The following CDH13 variants were observed in gnomAD, a reference collection of about 807,000 sequenced individuals.
The protein encoded by CDH13 is cadherin 13.
Under a neutral mutation model 63.8 loss-of-function variants are expected in CDH13, and 24 were observed. That is an observed-to-expected ratio of 0.38 (90% CI 0.27 to 0.53). The LOEUF is 0.53. Among genes scored for constraint, CDH13 ranks in the 20% least tolerant of loss-of-function variants. The pLI is 0.85. For missense variants in CDH13, 1,049 were observed against 903.1 expected, an observed-to-expected ratio of 1.16 and a Z score of -2.07; for synonymous variants, 503 against 355.3, an observed-to-expected ratio of 1.42 and a Z score of -4.67.
chr16:83,476,269 T>C (rs538852115), intron 6 of CDH13, among the ~76,000 whole-genome samples: 4 of 152,260 alleles, frequency 2.6e-5, no homozygotes, highest in African/African-American at 9.6e-5. Flanking sequence ...CCTGCCCCAG[T>C]TGTAACAACC....
intron 6 of CDH13, among the ~76,000 whole-genome samples, chr16:83,422,822 A>T (rs184249847): frequency 1.2e-4 from 19 of 152,276 alleles, no homozygotes; most frequent in Admixed American, 5.2e-4. Context: ...ATTACATAAG[A>T]TGCTTAGAAA....
At chr16:83,472,627 C>G (rs185811627) in intron 6 of CDH13, among the ~76,000 whole-genome samples, 88 of 152,270 alleles carry the variant, frequency 5.8e-4, no homozygotes, top group African/African-American at 2.0e-3. Context: ...CCTTTGGTCT[C>G]TCTTCTGCCA....
At chr16:83,001,542 T>G (rs1174724646) in intron 2 of CDH13, among the ~76,000 whole-genome samples, 1 of 152,236 alleles carries the variant, frequency 6.6e-6, no homozygotes. Context: ...GCCACTTTCA[T>G]TTTAATTTAA....
intron 6 of CDH13, among the ~76,000 whole-genome samples, chr16:83,388,690 G>T (rs2091726833): frequency 6.6e-6 from 1 of 152,132 alleles, no homozygotes; most frequent in South Asian, 2.1e-4. Flanking sequence ...CCATTGTAAA[G>T]CCATATATTT....
intron 1 of CDH13, chr16:82,824,446 T>A (rs1369602574): frequency 1.3e-5 from 2 of 152,206 alleles, no homozygotes; most frequent in African/African-American, 4.8e-5. Context: ...ATAATGAATT[T>A]GCAGTTCTTA....
rs1216790632 is a variant in CDH13, at chr16:83,066,393, AG to A, written c.366+34177del. Among the ~76,000 whole-genome samples, 17 of 152,190 alleles carry A rather than the reference AG, an allele frequency of 1.1e-4. 1 individual carries two copies. Among genetic ancestry groups the A allele is most frequent in the Admixed American group, 2.0e-4 (3 of 15,284 alleles). The stretch of plus-strand genomic sequence containing the variant: ...ATGTGAGACTTTCAGTGCTAATCCC[AG>A]GAAAAGTCCTAAACAAAAGGCAACG... On this transcript the variant is annotated intron_variant, in intron 3 of 13. Coordinates refer to ENST00000567109, the MANE Select transcript of CDH13 (RefSeq NM_001257.5).
intron 1 of CDH13, among the ~76,000 whole-genome samples, chr16:82,650,645 C>T (rs770257639): frequency 2.6e-5 from 4 of 152,174 alleles, no homozygotes; most frequent in Non-Finnish European, 5.9e-5. Flanking sequence ...TCTCCTCCCA[C>T]ATCCCCCTAC....
At chr16:83,425,715 G>C (rs1454807304) in intron 6 of CDH13, among the ~76,000 whole-genome samples, 1 of 152,098 alleles carries the variant, frequency 6.6e-6, no homozygotes, top group East Asian at 1.9e-4. Flanking sequence ...CTAATCTGCA[G>C]TGTTCAAATA....
chr16:83,434,755 C>A (rs936328845), intron 6 of CDH13, among the ~76,000 whole-genome samples: 4 of 151,288 alleles, frequency 2.6e-5, no homozygotes, highest in South Asian at 2.1e-4. Flanking sequence ...CCTCTGCTGT[C>A]GCCCTAACCA....
rs1298765636 is a variant in CDH13, at chr16:83,799,104, G to C, written c.*4074G>C. The C allele has an allele frequency of 6.6e-6, 1 of 151,830 alleles. No individual in the cohort carries two copies. Among genetic ancestry groups the C allele is most frequent in the Non-Finnish European group, 1.5e-5 (1 of 67,990 alleles). 9.4% of individuals were successfully genotyped at this position (151,830 alleles called of 1,614,324 possible). A position where few individuals can be genotyped will look rare whatever the true frequency, so the allele number is the denominator to read the frequency against. On this transcript the variant is annotated 3_prime_UTR_variant, in exon 14 of 14. Transcript: ENST00000567109. Reference sequence around the variant, plus strand: ...AGGCGGGTGGATCACTTAAGGTCAGGAGTTCAAGACCAGCCTGGCCAGCAT... The same window carrying C: ...AGGCGGGTGGATCACTTAAGGTCAGCAGTTCAAGACCAGCCTGGCCAGCAT...
chr16:82,652,541 T>C (rs1910842193), intron 1 of CDH13, among the ~76,000 whole-genome samples: 1 of 152,156 alleles, frequency 6.6e-6, no homozygotes, highest in Non-Finnish European at 1.5e-5. Context: ...AAGCTTCTGC[T>C]CCAGGAAGTG....
chr16:83,538,436 G>GA (rs912559939), intron 7 of CDH13, among the ~76,000 whole-genome samples: 25 of 152,282 alleles, frequency 1.6e-4, no homozygotes, highest in African/African-American at 6.0e-4. Context: ...AGTGGAGGCG[G>GA]AAAAAATGCA....
chr16:83,630,917 G>A (rs1023494962), intron 8 of CDH13, among the ~76,000 whole-genome samples: 2 of 152,202 alleles, frequency 1.3e-5, no homozygotes, highest in Middle Eastern at 3.4e-3. Context: ...CTTAGTAATT[G>A]GGGGTCCCAA....
chr16:82,862,398 C>G (rs999475144), intron 2 of CDH13, among the ~76,000 whole-genome samples: 7 of 152,196 alleles, frequency 4.6e-5, no homozygotes, highest in South Asian at 4.1e-4. Flanking sequence ...ACCATCAGCT[C>G]AGACAGATTT....
At chr16:82,986,242 G>A (rs552271471) in intron 2 of CDH13, among the ~76,000 whole-genome samples, 10 of 152,254 alleles carry the variant, frequency 6.6e-5, no homozygotes, top group African/African-American at 1.4e-4. Context: ...ATATTGGTAC[G>A]TCTGAGCCTG....
At chr16:83,746,362 T>G (rs771251986) in intron 10 of CDH13, among the ~76,000 whole-genome samples, 2 of 152,032 alleles carry the variant, frequency 1.3e-5, no homozygotes, top group Non-Finnish European at 2.9e-5. Flanking sequence ...GTCTCAAATC[T>G]CCTCTGCCTC....
chr16:83,153,072 A>G (rs1039025298), intron 4 of CDH13, among the ~76,000 whole-genome samples: 3 of 152,186 alleles, frequency 2.0e-5, no homozygotes, highest in African/African-American at 7.2e-5. Context: ...GGGAATTGCA[A>G]TAGAGAAAAA....
At chr16:83,254,809 A>G (rs1906007351) in intron 5 of CDH13, among the ~76,000 whole-genome samples, 1 of 152,188 alleles carries the variant, frequency 6.6e-6, no homozygotes, top group South Asian at 2.1e-4. Flanking sequence ...CATAAAGATA[A>G]CTGATTCCTG....
intron 13 of CDH13, among the ~76,000 whole-genome samples, chr16:83,794,126 C>G (rs1314917359): frequency 1.3e-5 from 2 of 152,166 alleles, no homozygotes; most frequent in South Asian, 2.1e-4. Flanking sequence ...GGAGCACAGC[C>G]TGGTCAACAC....
Sources: gnomAD v4.1 joint callset for allele counts (sites outside exome capture counted in the v4.1 genomes callset) on GRCh38, gnomAD v4.1.1 for gene constraint, MANE v1.5 for transcripts, NCBI Gene and HGNC (gene_info 2026-07-23, HGNC 2026-07-21) for gene names.